The following PRIM2 variants were observed in gnomAD, a reference collection of about 807,000 sequenced individuals.
The protein encoded by PRIM2 is DNA primase subunit 2.
PRIM2 carries 39 observed loss-of-function variants against 67.3 expected under a neutral mutation model. That is an observed-to-expected ratio of 0.58 (90% CI 0.45 to 0.76). The LOEUF (loss-of-function observed/expected upper bound fraction) is 0.76, where lower values mean the gene tolerates loss of function less well. Ranked by LOEUF, PRIM2 falls within the 30% of genes least tolerant of loss-of-function variation. PRIM2 has a pLI of 0.00. For missense variants in PRIM2, 398 were observed against 598.7 expected, an observed-to-expected ratio of 0.66 and a Z score of 3.50; for synonymous variants, 143 against 198.7, an observed-to-expected ratio of 0.72 and a Z score of 2.36.
chr6:57,339,070 CAG>C (rs1202231451), intron 5 of PRIM2, among the ~76,000 whole-genome samples: 5 of 151,914 alleles, frequency 3.3e-5, no homozygotes, highest in African/African-American at 1.2e-4. Flanking sequence ...AACAGACAAA[CAG>C]AGAGCCAAAT....
chr6:57,250,749 T>G, the PRIM2 span, among the ~76,000 whole-genome samples: 1 of 152,074 alleles, frequency 6.6e-6, no homozygotes, highest in African/African-American at 2.4e-5. Flanking sequence ...GAGCAAAAAG[T>G]GGTAAAAGAT....
At chr6:57,645,834 T>C (rs1407602712) in intron 13 of PRIM2, 94 bp from the exon 14 acceptor site, 2 of 657,678 alleles carry the variant, frequency 3.0e-6, no homozygotes, top group African/African-American at 3.7e-5. Flanking sequence ...GTTTCAGGTA[T>C]TAAGTTTTAA....
intron 7 of PRIM2, among the ~76,000 whole-genome samples, chr6:57,460,100 G>A (rs1490937258): frequency 6.6e-6 from 1 of 151,798 alleles, no homozygotes; most frequent in Admixed American, 6.6e-5. Flanking sequence ...GGGGGCAGGA[G>A]CATATAAGCC....
chr6:57,423,222 A>G (rs1298119133), intron 7 of PRIM2, among the ~76,000 whole-genome samples: 1 of 152,058 alleles, frequency 6.6e-6, no homozygotes, highest in African/African-American at 2.4e-5. Flanking sequence ...TTTTTTCTTT[A>G]ATCAGAGAAG....
At chr6:57,299,827 CCTTGCTGGAATAATAAATACATAA>C in the PRIM2 span, among the ~76,000 whole-genome samples, 21 of 152,140 alleles carry the variant, frequency 1.4e-4, no homozygotes, top group Admixed American at 1.1e-3. Context: ...AGTAGCAGAA[CCTTGCTGGAATAATAAATACATAA>C]ATGGAAGTGC....
intron 8 of PRIM2, among the ~76,000 whole-genome samples, chr6:57,525,720 A>G (rs1343409397): frequency 3.9e-5 from 6 of 152,168 alleles, no homozygotes; most frequent in African/African-American, 1.4e-4. Context: ...CACATTGCCT[A>G]CCTTCTCCTC....
chr6:57,389,773 T>A (rs1377733546), intron 7 of PRIM2, among the ~76,000 whole-genome samples: 1 of 152,204 alleles, frequency 6.6e-6, no homozygotes, highest in Non-Finnish European at 1.5e-5. Context: ...ATCCTCTTTT[T>A]AAAAGTAGTG....
intron 5 of PRIM2, among the ~76,000 whole-genome samples, chr6:57,375,823 G>A (rs1178083547): frequency 5.3e-5 from 8 of 151,972 alleles, no homozygotes; most frequent in Admixed American, 1.3e-4. Flanking sequence ...TGTAATCTTA[G>A]CCTATTGGGA....
At chr6:57,356,800 T>C (rs1257598750) in intron 5 of PRIM2, among the ~76,000 whole-genome samples, 1 of 152,182 alleles carries the variant, frequency 6.6e-6, no homozygotes, top group Non-Finnish European at 1.5e-5. Flanking sequence ...TGCTGTTGAT[T>C]TTATCCTGGC....
intron 7 of PRIM2, among the ~76,000 whole-genome samples, chr6:57,448,766 G>A (rs1390207339): frequency 6.6e-6 from 1 of 152,218 alleles, no homozygotes; most frequent in East Asian, 1.9e-4. Context: ...ATTACACTCG[G>A]TCAGCATGAC....
chr6:57,433,916 T>C (rs1035361709), intron 7 of PRIM2, among the ~76,000 whole-genome samples: 4 of 142,078 alleles, frequency 2.8e-5, no homozygotes, highest in Non-Finnish European at 6.1e-5. Flanking sequence ...GCAACTTCTC[T>C]GTTCCCTGTT....
At position 57,409,930 on chromosome 6, in the gene PRIM2, CT is replaced by C. The variant is rs1383329402; in HGVS notation, c.693+27764del. 9.9e-5 allele frequency among the ~76,000 whole-genome samples: 15 copies of C among 152,110 alleles called. 1 individual carries two copies. The highest frequency in any genetic ancestry group is 1.8e-4 in the Non-Finnish European group (12 of 68,020). On this transcript the variant is annotated intron_variant, in intron 7 of 13. Coordinates refer to ENST00000615550, the MANE Select transcript of PRIM2 (RefSeq NM_000947.5). ...TTTTTGAAATTTTATAGTTTTAGCTCTTGTATTTAACTCTATGACCCATGTT... is the reference window on the plus strand; with the variant it reads ...TTTTTGAAATTTTATAGTTTTAGCTCTGTATTTAACTCTATGACCCATGTT...
At chr6:57,455,319 G>C (rs1279123269) in intron 7 of PRIM2, among the ~76,000 whole-genome samples, 1 of 152,184 alleles carries the variant, frequency 6.6e-6, no homozygotes, top group Admixed American at 6.5e-5. Flanking sequence ...GTGCAGAGCT[G>C]AGTTCAATTC....
the PRIM2 span, among the ~76,000 whole-genome samples, chr6:57,277,304 C>A: frequency 2.0e-5 from 3 of 152,204 alleles, no homozygotes; most frequent in African/African-American, 7.2e-5. Context: ...CCAAAATCTG[C>A]CCTCATGAGC....
At chr6:57,374,303 A>ATTTT (rs778117079) in intron 5 of PRIM2, among the ~76,000 whole-genome samples, 55 of 139,814 alleles carry the variant, frequency 3.9e-4, no homozygotes, top group South Asian at 1.2e-3. Context: ...TTATTTATTT[A>ATTTT]TTTTTTTTGA....
At chr6:57,298,038 A>G in the PRIM2 span, among the ~76,000 whole-genome samples, 1 of 152,184 alleles carries the variant, frequency 6.6e-6, no homozygotes, top group Non-Finnish European at 1.5e-5. Context: ...TATACACCTG[A>G]AATTATTCTG....
chr6:57,337,320 T>G (rs1050714603), intron 5 of PRIM2, among the ~76,000 whole-genome samples: 2 of 152,082 alleles, frequency 1.3e-5, no homozygotes, highest in East Asian at 3.9e-4. Context: ...AAGTCAACAA[T>G]GATACCCAGG....
At chr6:57,365,220 A>G (rs1342226306) in intron 5 of PRIM2, among the ~76,000 whole-genome samples, 1 of 149,378 alleles carries the variant, frequency 6.7e-6, no homozygotes, top group Non-Finnish European at 1.5e-5. Context: ...AGAAACTGTC[A>G]GGAAAGATGA....
chr6:57,351,860 GATCTGGGAAAATTA>G (rs1768867661), intron 5 of PRIM2, among the ~76,000 whole-genome samples: 3 of 152,216 alleles, frequency 2.0e-5, no homozygotes, highest in South Asian at 4.1e-4. Flanking sequence ...GGATGAATAA[GATCTGGGAAAATTA>G]ATCTTATAGT....
Sources: gnomAD v4.1 joint callset for allele counts (sites outside exome capture counted in the v4.1 genomes callset) on GRCh38, gnomAD v4.1.1 for gene constraint, MANE v1.5 for transcripts, NCBI Gene and HGNC (gene_info 2026-07-23, HGNC 2026-07-21) for gene names.